Variants in ZNF518A observed in about 807,000 individuals in gnomAD.
ZNF518A encodes the protein zinc finger protein 518A, also known as zinc finger protein 518.
A neutral mutation model predicts 102.7 loss-of-function variants in ZNF518A; 47 were observed. The observed-to-expected ratio is 0.46, with a 90% CI of 0.36 to 0.58. ZNF518A has a LOEUF of 0.58. Among genes scored for constraint, ZNF518A ranks in the 20% least tolerant of loss-of-function variants. ZNF518A has a pLI of 0.00. For missense variants in ZNF518A, 1,793 were observed against 1,699.8 expected, an observed-to-expected ratio of 1.05 and a Z score of -0.96; for synonymous variants, 652 against 594.6, an observed-to-expected ratio of 1.10 and a Z score of -1.40.
At chr10:96,196,870 CAT>C (rs1554894797) in intron 1 of ZNF518A, 1 of 1,595,294 alleles carries the variant, frequency 6.3e-7, no homozygotes, top group Admixed American at 1.7e-5. Context: ...ATACTCAATG[CAT>C]AGTTATAGAA....
chr10:96,168,240 TC>T (rs2083154106), downstream of ZNF518A, among the ~76,000 whole-genome samples: 1 of 152,210 alleles, frequency 6.6e-6, no homozygotes, highest in Admixed American at 6.5e-5. Flanking sequence ...ACTTGGCTGC[TC>T]ACTGGGTCTT....
rs587605617 is a variant in ZNF518A, at chr10:96,182,468, T to G, written n.36-21106T>G. ...ATTCAGTATGATGGTGGCTGTGGGT[T>G]TGTCATAAATAGCTCTTATTATTTT... is the stretch of plus-strand genomic sequence containing the variant. On this transcript the variant is annotated intron_variant and non_coding_transcript_variant, in intron 1 of 2. Transcript: ENST00000442635. 4.6e-5 allele frequency among the ~76,000 whole-genome samples: 7 copies of G among 152,300 alleles called. No individual in the cohort carries two copies. In the South Asian group the frequency reaches 1.2e-3, roughly 27 times the overall value.
intron 1 of ZNF518A, among the ~76,000 whole-genome samples, chr10:96,187,542 C>T (rs1256486688): frequency 6.6e-6 from 1 of 152,212 alleles, no homozygotes; most frequent in Non-Finnish European, 1.5e-5. Flanking sequence ...GGTCTCCAAA[C>T]CATTGCCCTG....
chr10:96,171,405 G>A (rs1902701), intron 1 of ZNF518A, among the ~76,000 whole-genome samples: 46,605 of 152,106 alleles, frequency 0.31, 8,253 homozygotes, highest in East Asian at 0.66. Flanking sequence ...AATGTTGGAA[G>A]CATTAGGTTA....
chr10:96,183,764 G>A (rs1278926162), intron 1 of ZNF518A, among the ~76,000 whole-genome samples: 1 of 152,216 alleles, frequency 6.6e-6, no homozygotes, highest in African/African-American at 2.4e-5. Flanking sequence ...TAAGTGCAAT[G>A]TGGTGATGAG....
rs1554884228 is a variant in ZNF518A at position 96,158,108 on chromosome 10, A to G, written c.1786A>G (p.Lys596Glu). 6.2e-7 allele frequency: 1 copy of G among 1,613,602 alleles called. No individual in the cohort carries two copies. The highest frequency in any genetic ancestry group is 1.7e-5 in the Admixed American group (1 of 59,924). Residue 596 changes from lysine (K) to glutamate (E), a missense_variant, in exon 6 of 6, where the codon AAA becomes GAA. By Grantham distance (56) the Lys-to-Glu change is moderately conservative. This residue lies in a region of ZNF518A where 1,741 missense variants were observed against 1,622.6 expected (regional missense o/e 1.07). Transcript: ENST00000316045. ...CCCCGAGGTATTAGGTACCACCATT[A>G]AAAGTCCAGATAAAGTCAACTGTGT... is the stretch of plus-strand genomic sequence containing the variant. ...SHPEVLGTTI[K>E]SPDKVNCVAK...
intron 1 of ZNF518A, among the ~76,000 whole-genome samples, chr10:96,185,325 C>T (rs1382349215): frequency 6.6e-6 from 1 of 152,196 alleles, no homozygotes; most frequent in African/African-American, 2.4e-5. Flanking sequence ...AGTCATTCTC[C>T]GTCCAGCTTT....
intron 1 of ZNF518A, chr10:96,189,513 A>G: frequency 1.5e-6 from 1 of 648,100 alleles, no homozygotes. Flanking sequence ...AATGTCTTCT[A>G]CAGAACTAGG....
chr10:96,155,744 A>ATAGC (rs2082666708), intron 4 of ZNF518A, 180 bp from the exon 5 acceptor site: 1 of 152,254 alleles, frequency 6.6e-6, no homozygotes, highest in South Asian at 2.1e-4. Flanking sequence ...CTCACAGGGA[A>ATAGC]TAGCTATTAG....
downstream of ZNF518A, among the ~76,000 whole-genome samples, chr10:96,165,366 C>T (rs1554889974): frequency 3.3e-5 from 5 of 151,822 alleles, no homozygotes. Flanking sequence ...CCTTGGCCTC[C>T]CAAAGTCTGG....
chr10:96,165,470 CAAAAAAAAAAA>C (rs35332637), downstream of ZNF518A, among the ~76,000 whole-genome samples: 2 of 112,368 alleles, frequency 1.8e-5, no homozygotes, highest in Non-Finnish European at 3.8e-5. Flanking sequence ...CAACAACAAC[CAAAAAAAAAAA>C]AAAAAAAACA....
Position 96,160,203 on chromosome 10 carries a change from C to T in ZNF518A, c.3881C>T (p.Thr1294Ile), listed in dbSNP as rs1554886977. Residue 1294 changes from threonine to isoleucine, a missense_variant, in exon 6 of 6, where the codon ACA (threonine) becomes ATA (isoleucine). Physicochemically the swap from Thr to Ile is moderately conservative, Grantham distance 89. This residue lies in a region of ZNF518A where 1,741 missense variants were observed against 1,622.6 expected (regional missense o/e 1.07). Transcript: ENST00000316045. Reference protein sequence around the residue: ...SYQEPPRRKATLHRKCKEKAK... With the variant: ...SYQEPPRRKAILHRKCKEKAK... ...CAAGAACCTCCAAGAAGAAAAGCAACATTGCATAGAAAGTGTAAAGAAAAG... is the reference window on the plus strand; with the variant it reads ...CAAGAACCTCCAAGAAGAAAAGCAATATTGCATAGAAAGTGTAAAGAAAAG... 1.2e-6 allele frequency: 2 copies of T among 1,610,716 alleles called. No homozygotes were observed. The highest frequency in any genetic ancestry group is 2.2e-5 in the South Asian group (2 of 90,536).
At chr10:96,165,606 C>G (rs2083132222), downstream of ZNF518A, among the ~76,000 whole-genome samples, 1 of 152,092 alleles carries the variant, frequency 6.6e-6, no homozygotes, top group Admixed American at 6.6e-5. Flanking sequence ...CCCACCCCTA[C>G]CCCCATTACC....
intron 1 of ZNF518A, chr10:96,189,661 T>C: frequency 1.4e-6 from 1 of 718,346 alleles, no homozygotes; most frequent in Non-Finnish European, 2.6e-6. Flanking sequence ...TGTAGATTTC[T>C]TCAATGGTGC....
At position 96,200,300 on chromosome 10, in the gene ZNF518A, C is replaced by T; in HGVS notation, n.36-3274C>T. ...TAATTTTAAGATGAGTTTTATTTTT[C>T]CTTTGATCAAACACAAGGATTATAC... On this transcript the variant is annotated intron_variant and non_coding_transcript_variant, in intron 1 of 2. Coordinates refer to the ZNF518A transcript ENST00000442635. The surrounding 1 kb of genome is among the most constrained non-coding windows in gnomAD (Gnocchi z 4.3). 1.6e-6 allele frequency: 1 copy of T among 634,790 alleles called. No homozygotes were observed. The highest frequency in any genetic ancestry group is 2.8e-6 in the Non-Finnish European group (1 of 356,934). 39.3% of individuals were successfully genotyped at this position (634,790 alleles called of 1,614,324 possible).
intron 3 of ZNF518A, among the ~76,000 whole-genome samples, chr10:96,135,801 T>C (rs954796299): frequency 1.3e-5 from 2 of 152,204 alleles, no homozygotes; most frequent in Admixed American, 6.5e-5. Context: ...CATATTAATA[T>C]ACAGCAAACA....
At chr10:96,195,126 G>A (rs773835657) in intron 1 of ZNF518A, among the ~76,000 whole-genome samples, 48 of 152,252 alleles carry the variant, frequency 3.2e-4, no homozygotes, top group Non-Finnish European at 6.6e-4. Flanking sequence ...CCATTTGGAC[G>A]GCTACTATAA....
At chr10:96,196,353 C>A (rs1369958385) in intron 1 of ZNF518A, among the ~76,000 whole-genome samples, 3 of 152,160 alleles carry the variant, frequency 2.0e-5, no homozygotes, top group African/African-American at 7.2e-5. Context: ...ATGGTAAGCA[C>A]TGAGTTTGGT....
rs587747485 is a variant in ZNF518A at position 96,162,649 on chromosome 10, A to G, written c.*1875A>G. On this transcript the variant is annotated 3_prime_UTR_variant, in exon 6 of 6. Coordinates refer to ENST00000316045, the MANE Select transcript of ZNF518A (RefSeq NM_001330736.2). ...AATTGGAAATATACAGTATATATTA[A>G]TAATGTACATGGTGTTTAAAGAATG... The G allele has an allele frequency of 6.0e-6, 1 of 166,280 alleles. No homozygotes were observed. Among genetic ancestry groups the G allele is most frequent in the East Asian group, 1.9e-4 (1 of 5,194 alleles). 10.3% of individuals were successfully genotyped at this position (166,280 alleles called of 1,614,324 possible).
Sources: allele counts gnomAD v4.1 joint callset (sites outside exome capture counted in the v4.1 genomes callset), GRCh38; gene constraint gnomAD v4.1.1; regional missense constraint gnomAD v4.1.1; non-coding constraint Gnocchi (gnomAD v3.1); transcripts MANE v1.5; gene names NCBI Gene and HGNC (gene_info 2026-07-23, HGNC 2026-07-21).